TCF4: variants seen among roughly 807,000 people sequenced by gnomAD.
The protein encoded by TCF4 is transcription factor 4, also known as SL3-3 enhancer factor 2.
In TCF4, 3 loss-of-function variants were observed where a neutral mutation model predicts 82.1. That is an observed-to-expected ratio of 0.04 (90% CI 0.02 to 0.09). The LOEUF (loss-of-function observed/expected upper bound fraction) is 0.09. Among genes scored for constraint, TCF4 ranks in the 10% least tolerant of loss-of-function variants. TCF4 has a pLI of 1.00. For synonymous variants in TCF4, 276 were observed against 309.6 expected (o/e 0.89, Z 1.14); for missense variants, 518 against 852.7 (o/e 0.61, Z 4.89).
intron 3 of TCF4, among the ~76,000 whole-genome samples, chr18:55,523,913 A>G (rs552299798): frequency 6.6e-6 from 1 of 152,240 alleles, no homozygotes; most frequent in East Asian, 1.9e-4. Flanking sequence ...AAATACCACC[A>G]ATATTCCAAT....
chr18:55,545,541 C>T (rs776981788), intron 3 of TCF4, among the ~76,000 whole-genome samples: 2 of 152,068 alleles, frequency 1.3e-5, no homozygotes, highest in Non-Finnish European at 1.5e-5. Context: ...CTCTGCCTCC[C>T]GGGTTCAAGC....
At chr18:55,493,249 C>T (rs556201474) in intron 3 of TCF4, among the ~76,000 whole-genome samples, 1 of 152,084 alleles carries the variant, frequency 6.6e-6, no homozygotes, top group African/African-American at 2.4e-5. Context: ...ATTTAAAAAA[C>T]CTTTTGGGCT....
chr18:55,438,992 G>A (rs2095386603), intron 5 of TCF4, among the ~76,000 whole-genome samples: 1 of 152,238 alleles, frequency 6.6e-6, no homozygotes, highest in Non-Finnish European at 1.5e-5. Flanking sequence ...CAGAGGCCAA[G>A]AGAAGGGAGT....
chr18:55,585,856 G>A (rs2097639155), intron 2 of TCF4: 10 of 1,164,282 alleles, frequency 8.6e-6, no homozygotes, highest in South Asian at 4.8e-5. Flanking sequence ...GCAATTTGAA[G>A]CAAGACTCTC....
intron 8 of TCF4, among the ~76,000 whole-genome samples, chr18:55,340,665 T>C (rs1162136666): frequency 6.6e-6 from 1 of 150,582 alleles, no homozygotes; most frequent in Non-Finnish European, 1.5e-5. Flanking sequence ...CTTTTGAACA[T>C]AGCTGAGACC....
chr18:55,545,947 T>G (rs987176351), intron 3 of TCF4, among the ~76,000 whole-genome samples: 7 of 152,202 alleles, frequency 4.6e-5, no homozygotes, highest in Non-Finnish European at 1.0e-4. Flanking sequence ...CTTAAGAGTT[T>G]CATTCAGGGC....
At chr18:55,531,421 G>A (rs984259791) in intron 3 of TCF4, among the ~76,000 whole-genome samples, 2 of 152,070 alleles carry the variant, frequency 1.3e-5, no homozygotes, top group African/African-American at 4.8e-5. Context: ...AATGGGGGAA[G>A]GAAAATAATT....
intron 5 of TCF4, among the ~76,000 whole-genome samples, chr18:55,424,377 A>C (rs1254249192): frequency 1.4e-4 from 21 of 152,196 alleles, no homozygotes. Context: ...CACTGAACCC[A>C]AATGAAATTG....
intron 5 of TCF4, among the ~76,000 whole-genome samples, chr18:55,459,577 G>T (rs979810708): frequency 6.6e-6 from 1 of 152,172 alleles, no homozygotes; most frequent in Non-Finnish European, 1.5e-5. Flanking sequence ...CTAAGTGGTT[G>T]TGTGGAGATG....
intron 6 of TCF4, chr18:55,351,327 T>C (rs1168518769): frequency 1.0e-5 from 3 of 292,900 alleles, no homozygotes; most frequent in Non-Finnish European, 1.3e-5. Context: ...TTCTCTAGAC[T>C]GAGGCTCATA....
chr18:55,479,005 T>A (rs2096363989), intron 3 of TCF4, among the ~76,000 whole-genome samples: 2 of 151,922 alleles, frequency 1.3e-5, no homozygotes, highest in Admixed American at 1.3e-4. Flanking sequence ...GTGCCAATAA[T>A]CTACTTCCCA....
Position 55,234,620 on chromosome 18 carries a change from C to T in TCF4, c.1414G>A (p.Val472Ile). 1.2e-6 allele frequency: 2 copies of T among 1,614,112 alleles called. No homozygotes were observed. Among genetic ancestry groups the T allele is most frequent in the Non-Finnish European group, 1.7e-6 (2 of 1,180,014 alleles). The change falls in exon 16 of 20, where the codon GTT (valine) becomes ATT (isoleucine). Residue 472 changes from valine to isoleucine, a missense_variant. Val to Ile is a conservative substitution (Grantham distance 29). Coordinates refer to ENST00000354452, the MANE Select transcript of TCF4 (RefSeq NM_001083962.2). Reference sequence around the variant, plus strand: ...TGGACAGGAAGCTGTGGAACCGGAACCTGGTTTGGCAGAAGAGAATGGCTG... The same window carrying T: ...TGGACAGGAAGCTGTGGAACCGGAATCTGGTTTGGCAGAAGAGAATGGCTG... ...RGSHSLLPNQ[V>I]PVPQLPVQSA...
At chr18:55,444,766 T>A (rs1410891427) in intron 5 of TCF4, among the ~76,000 whole-genome samples, 1 of 152,150 alleles carries the variant, frequency 6.6e-6, no homozygotes, top group Non-Finnish European at 1.5e-5. Flanking sequence ...CACAAATCTG[T>A]CCACCCACAG....
chr18:55,373,589 G>A (rs2089938614), intron 6 of TCF4, among the ~76,000 whole-genome samples: 2 of 152,106 alleles, frequency 1.3e-5, no homozygotes, highest in African/African-American at 2.4e-5. Flanking sequence ...GAGGTGGGAA[G>A]ATCAGTTGAG....
At chr18:55,270,074 G>T (rs964686303) in intron 10 of TCF4, 111 bp from the exon 11 acceptor site, 1 of 1,391,582 alleles carries the variant, frequency 7.2e-7, no homozygotes, top group Admixed American at 1.7e-5. Context: ...ACAGCTTTTA[G>T]AATTTCAAAA....
At chr18:55,477,998 G>GT (rs753491641) in intron 3 of TCF4, among the ~76,000 whole-genome samples, 14 of 152,126 alleles carry the variant, frequency 9.2e-5, no homozygotes, top group Admixed American at 2.6e-4. Context: ...GTAAAAAGCT[G>GT]TAACTCTTCC....
Position 55,501,251 on chromosome 18 carries a change from T to C in TCF4, c.146-37114A>G, listed in dbSNP as rs564412621. 1.6e-4 allele frequency among the ~76,000 whole-genome samples: 24 copies of C among 152,302 alleles called. No homozygotes were observed. The South Asian group carries it at 5.0e-3, about 32-fold the overall frequency. Reference sequence around the variant, plus strand: ...CACTCTTAGTATTCATTTTAGCATTTATGCAGTTTCCAGTGCCTTAATTTT... The same window carrying C: ...CACTCTTAGTATTCATTTTAGCATTCATGCAGTTTCCAGTGCCTTAATTTT... On this transcript the variant is annotated intron_variant, in intron 3 of 19. Transcript: ENST00000354452.
chr18:55,352,344 T>C (rs1428264524), intron 6 of TCF4, among the ~76,000 whole-genome samples: 1 of 152,118 alleles, frequency 6.6e-6, no homozygotes, highest in Non-Finnish European at 1.5e-5. Context: ...CACCGCCATA[T>C]AGCTAAATAT....
At chr18:55,404,911 G>A (rs567055285) in intron 5 of TCF4, among the ~76,000 whole-genome samples, 3 of 152,326 alleles carry the variant, frequency 2.0e-5, no homozygotes, top group East Asian at 1.9e-4. Flanking sequence ...GAATCTTAAA[G>A]TTGGGAAAAC....
Sources: allele counts gnomAD v4.1 joint callset (sites outside exome capture counted in the v4.1 genomes callset), GRCh38; gene constraint gnomAD v4.1.1; transcripts MANE v1.5; gene names NCBI Gene and HGNC (gene_info 2026-07-23, HGNC 2026-07-21).